The following UNC13C variants were observed in gnomAD, a reference collection of about 807,000 sequenced individuals.
UNC13C encodes protein unc-13 homolog C.
A neutral mutation model predicts 245.4 loss-of-function variants in UNC13C; 174 were observed. The observed-to-expected ratio is 0.71, with a 90% CI of 0.63 to 0.80. The LOEUF (loss-of-function observed/expected upper bound fraction) is 0.80. Among genes scored for constraint, UNC13C ranks in the 30% least tolerant of loss-of-function variants. The pLI is 0.00. For synonymous variants in UNC13C, 992 were observed against 895.1 expected (o/e 1.11, Z -1.93); for missense variants, 2,829 against 2,602.9 (o/e 1.09, Z -1.89).
chr15:54,623,758 A>C, intron 31 of UNC13C, 37 bp from the exon 32 acceptor site: 2 of 1,579,548 alleles, frequency 1.3e-6, no homozygotes, highest in South Asian at 1.1e-5. Context: ...ATTTCCACAC[A>C]TCTGTTTGCT....
chr15:54,485,889 G>C (rs1017073409), intron 19 of UNC13C, among the ~76,000 whole-genome samples: 1 of 152,052 alleles, frequency 6.6e-6, no homozygotes, highest in Non-Finnish European at 1.5e-5. Flanking sequence ...CTGCTCTCTT[G>C]TCATCTCATG....
chr15:54,117,784 T>A (rs2030374251), intron 2 of UNC13C, among the ~76,000 whole-genome samples: 1 of 152,146 alleles, frequency 6.6e-6, no homozygotes, highest in Non-Finnish European at 1.5e-5. Context: ...TTTTGCCATG[T>A]TGCCCAGGCT....
intron 4 of UNC13C, among the ~76,000 whole-genome samples, chr15:54,150,571 G>C (rs899293551): frequency 6.6e-6 from 1 of 152,202 alleles, no homozygotes; most frequent in African/African-American, 2.4e-5. Context: ...TGGTTGCTGA[G>C]CCATTAGCTT....
At chr15:54,028,684 CTTTTTT>C (rs58264883) in intron 2 of UNC13C, among the ~76,000 whole-genome samples, 2 of 87,096 alleles carry the variant, frequency 2.3e-5, no homozygotes, top group Admixed American at 1.7e-4. Context: ...GCCTACAAGT[CTTTTTT>C]TTTTTTTTTT....
At chr15:54,125,660 A>T (rs1376656591) in intron 2 of UNC13C, among the ~76,000 whole-genome samples, 2 of 152,160 alleles carry the variant, frequency 1.3e-5, no homozygotes, top group African/African-American at 4.8e-5. Flanking sequence ...TAAGTCTCAA[A>T]CAATATTTGT....
chr15:54,389,446 A>G (rs2039907105), intron 17 of UNC13C, among the ~76,000 whole-genome samples: 1 of 152,230 alleles, frequency 6.6e-6, no homozygotes, highest in South Asian at 2.1e-4. Context: ...GGGCTGATAT[A>G]CACTAAAGTT....
chr15:54,499,999 T>C (rs766579266), intron 20 of UNC13C, 80 bp from the exon 21 acceptor site: 231 of 1,049,066 alleles, frequency 2.2e-4, no homozygotes, highest in Non-Finnish European at 2.8e-4. Flanking sequence ...ATTACTCTCA[T>C]ATGCAAAAAG....
intron 24 of UNC13C, among the ~76,000 whole-genome samples, chr15:54,516,670 G>A (rs1418857106): frequency 6.6e-6 from 1 of 151,856 alleles, no homozygotes; most frequent in African/African-American, 2.4e-5. Flanking sequence ...CATGGTGGTG[G>A]GCGCCTGTAA....
At chr15:54,034,091 T>C (rs920383642) in intron 2 of UNC13C, among the ~76,000 whole-genome samples, 1 of 152,228 alleles carries the variant, frequency 6.6e-6, no homozygotes, top group South Asian at 2.1e-4. Flanking sequence ...GCTTGCTGTC[T>C]GTCCCAGGAG....
intron 19 of UNC13C, among the ~76,000 whole-genome samples, chr15:54,463,660 G>T (rs941133788): frequency 6.6e-6 from 1 of 152,120 alleles, no homozygotes; most frequent in African/African-American, 2.4e-5. Flanking sequence ...ACATCAGAAG[G>T]AACAAACTCT....
At chr15:54,328,759 A>G (rs113282767) in intron 14 of UNC13C, among the ~76,000 whole-genome samples, 2 of 152,094 alleles carry the variant, frequency 1.3e-5, no homozygotes, top group African/African-American at 4.8e-5. Context: ...GCAGTCCACT[A>G]ACTCACCAAC....
chr15:54,414,221 T>C (rs1338445537), intron 18 of UNC13C, among the ~76,000 whole-genome samples: 2 of 152,080 alleles, frequency 1.3e-5, no homozygotes, highest in Admixed American at 6.6e-5. Flanking sequence ...TAATAGATAA[T>C]AGAAAAAATA....
the UNC13C span, among the ~76,000 whole-genome samples, chr15:53,928,129 A>C: frequency 6.7e-6 from 1 of 150,160 alleles, no homozygotes; most frequent in African/African-American, 2.4e-5. Context: ...CACACACAGA[A>C]ATATAGAGGT....
At position 54,567,787 on chromosome 15, in the gene UNC13C, T is replaced by G. The variant is rs747135947; in HGVS notation, c.5959-13T>G. 4 of 1,573,956 alleles carry G rather than the reference T, an allele frequency of 2.5e-6. No individual in the cohort carries two copies. The East Asian group carries it at 6.8e-5, about 27-fold the overall frequency. On this transcript the variant is annotated splice_polypyrimidine_tract_variant and intron_variant, in intron 29 of 32. Transcript: ENST00000260323. ...CTCTCTAAATGCCTCGGCTTATTTTTTTTTCTTTGTAGCAATACTTTCATG... is the reference window on the plus strand; with the variant it reads ...CTCTCTAAATGCCTCGGCTTATTTTGTTTTCTTTGTAGCAATACTTTCATG...
chr15:54,093,528 G>A (rs75992335), intron 2 of UNC13C, among the ~76,000 whole-genome samples: 2,729 of 152,314 alleles, frequency 0.018, 32 homozygotes, highest in Middle Eastern at 0.044. Context: ...GCAGTTTAAT[G>A]AGAACATCTT....
chr15:54,181,809 G>T (rs1236880894), intron 4 of UNC13C, among the ~76,000 whole-genome samples: 1 of 151,720 alleles, frequency 6.6e-6, no homozygotes, highest in Non-Finnish European at 1.5e-5. Context: ...AAATGGTATT[G>T]CACTCTTGAT....
At chr15:53,870,297 A>G in the UNC13C span, among the ~76,000 whole-genome samples, 1 of 152,110 alleles carries the variant, frequency 6.6e-6, no homozygotes, top group African/African-American at 2.4e-5. Context: ...GTCACTTTCT[A>G]TTTTTCTATA....
At chr15:54,200,273 C>A (rs1475997122) in intron 4 of UNC13C, among the ~76,000 whole-genome samples, 1 of 152,032 alleles carries the variant, frequency 6.6e-6, no homozygotes, top group African/African-American at 2.4e-5. Flanking sequence ...GATGAGTCAT[C>A]AAGACGGAAA....
At chr15:53,990,165 TACTCTCTTAAAG>T (rs1406317462) in intron 1 of UNC13C, among the ~76,000 whole-genome samples, 2 of 151,988 alleles carry the variant, frequency 1.3e-5, no homozygotes, top group Non-Finnish European at 2.9e-5. Context: ...TATTAAAACA[TACTCTCTTAAAG>T]ACTCTCTTAA....
Sources: allele counts gnomAD v4.1 joint callset (sites outside exome capture counted in the v4.1 genomes callset), GRCh38; gene constraint gnomAD v4.1.1; transcripts MANE v1.5; gene names NCBI Gene and HGNC (gene_info 2026-07-23, HGNC 2026-07-21).